Variants in AUTS2 observed in about 807,000 individuals in gnomAD.
AUTS2 encodes autism susceptibility gene 2 protein.
AUTS2 carries 17 observed loss-of-function variants against 112.4 expected under a neutral mutation model. That is an observed-to-expected ratio of 0.15 (90% CI 0.10 to 0.23). The LOEUF (loss-of-function observed/expected upper bound fraction) is 0.23. AUTS2 is among the 10% of genes least tolerant of loss of function. The pLI is 1.00. For missense variants in AUTS2, 1,510 were observed against 1,701.6 expected (o/e 0.89, Z 1.98); for synonymous variants, 751 against 702.7 (o/e 1.07, Z -1.09).
intron 5 of AUTS2, among the ~76,000 whole-genome samples, chr7:70,508,291 G>T (rs1799050625): frequency 6.6e-6 from 1 of 151,802 alleles, no homozygotes; most frequent in African/African-American, 2.4e-5. Flanking sequence ...GGGAGAGAAG[G>T]AAAGAAAGGG....
intron 5 of AUTS2, among the ~76,000 whole-genome samples, chr7:70,691,801 A>T (rs551771698): frequency 1.5e-4 from 23 of 152,158 alleles, no homozygotes; most frequent in African/African-American, 5.5e-4. Flanking sequence ...AGAGATCATC[A>T]AAAGATCTGG....
chr7:70,703,777 G>A (rs1241404373), intron 6 of AUTS2, among the ~76,000 whole-genome samples: 1 of 152,088 alleles, frequency 6.6e-6, no homozygotes, highest in Non-Finnish European at 1.5e-5. Context: ...TCCACATAAG[G>A]GAGAGTTAGA....
At position 70,131,410 on chromosome 7, in the gene AUTS2, A is replaced by G. The variant is rs75606183; in HGVS notation, c.625-3126A>G. ...GCAGTGAGTCATGATCTTGATCATT[A>G]AGGAAGAGTCTTGTGAAATTGTTCA... On this transcript the variant is annotated intron_variant, in intron 3 of 18. Coordinates refer to ENST00000342771, the MANE Select transcript of AUTS2 (RefSeq NM_015570.4). Among the ~76,000 whole-genome samples, 919 of 152,262 alleles carry G rather than the reference A, an allele frequency of 6.0e-3. 12 individuals are homozygous for G. The highest frequency in any genetic ancestry group is 0.022 in the African/African-American group (898 of 41,544).
chr7:70,244,462 T>C (rs2129601574), intron 4 of AUTS2, among the ~76,000 whole-genome samples: 1 of 152,332 alleles, frequency 6.6e-6, no homozygotes, highest in African/African-American at 2.4e-5. Context: ...AATGTTTCTT[T>C]GTAATAAGCA....
intron 2 of AUTS2, among the ~76,000 whole-genome samples, chr7:70,106,631 G>A (rs988312470): frequency 1.7e-4 from 26 of 152,190 alleles, no homozygotes; most frequent in African/African-American, 6.0e-4. Flanking sequence ...GAGGTGGGAG[G>A]ATCACTTTAG....
chr7:70,714,386 C>T (rs563946913), intron 6 of AUTS2, among the ~76,000 whole-genome samples: 51 of 152,178 alleles, frequency 3.4e-4, no homozygotes, highest in African/African-American at 7.9e-4. Flanking sequence ...TATCATTTTA[C>T]GACTACATAC....
chr7:69,848,429 C>T (rs1056042812), intron 1 of AUTS2, among the ~76,000 whole-genome samples: 6 of 152,194 alleles, frequency 3.9e-5, no homozygotes, highest in Non-Finnish European at 8.8e-5. Context: ...ATCTGTTTTA[C>T]AAGGGAATTA....
chr7:69,827,325 A>G (rs887726434), intron 1 of AUTS2, among the ~76,000 whole-genome samples: 1 of 152,178 alleles, frequency 6.6e-6, no homozygotes, highest in African/African-American at 2.4e-5. Context: ...TCTCAAACTC[A>G]GGAAAGTGGT....
chr7:70,016,694 GTCTTACTCTGTT>G (rs1800044339), intron 2 of AUTS2, among the ~76,000 whole-genome samples: 1 of 149,224 alleles, frequency 6.7e-6, no homozygotes, highest in South Asian at 2.1e-4. Flanking sequence ...TTGAAACGGA[GTCTTACTCTGTT>G]TCCTGGGCTG....
intron 5 of AUTS2, among the ~76,000 whole-genome samples, chr7:70,605,821 G>T (rs1467406473): frequency 2.0e-5 from 3 of 152,178 alleles, no homozygotes; most frequent in Admixed American, 6.5e-5. Flanking sequence ...ACAAAGAGAA[G>T]ATTGGGGATT....
intron 5 of AUTS2, among the ~76,000 whole-genome samples, chr7:70,570,710 C>T (rs1336752653): frequency 6.6e-6 from 1 of 152,186 alleles, no homozygotes; most frequent in South Asian, 2.1e-4. Flanking sequence ...GTTATACTCT[C>T]TATGGTCTCT....
chr7:70,355,231 G>A (rs909788402), intron 4 of AUTS2, among the ~76,000 whole-genome samples: 23 of 151,874 alleles, frequency 1.5e-4, no homozygotes, highest in African/African-American at 4.6e-4. Context: ...CCCCTTTCTG[G>A]TTGTTTCACT....
At chr7:69,886,234 A>C (rs1584393314) in intron 1 of AUTS2, among the ~76,000 whole-genome samples, 1 of 152,240 alleles carries the variant, frequency 6.6e-6, no homozygotes, top group East Asian at 1.9e-4. Context: ...GCATATATGC[A>C]CTTGTTCATG....
intron 4 of AUTS2, among the ~76,000 whole-genome samples, chr7:70,227,689 T>G (rs1811839076): frequency 6.6e-6 from 1 of 152,276 alleles, no homozygotes; most frequent in South Asian, 2.1e-4. Context: ...TGATTCATTC[T>G]CTTAACTCAT....
intron 5 of AUTS2, among the ~76,000 whole-genome samples, chr7:70,455,072 G>GTGT (rs999403564): frequency 1.3e-5 from 2 of 152,180 alleles, no homozygotes; most frequent in Non-Finnish European, 2.9e-5. Flanking sequence ...ACATACCCAT[G>GTGT]TGTTGTTGTT....
intron 1 of AUTS2, among the ~76,000 whole-genome samples, chr7:69,779,794 T>A (rs541392759): frequency 7.2e-4 from 108 of 150,104 alleles, no homozygotes; most frequent in Admixed American, 1.3e-3. Context: ...AAAAAAAATA[T>A]ATATATGGAA....
At chr7:70,123,248 A>T (rs1355360799) in intron 3 of AUTS2, among the ~76,000 whole-genome samples, 1 of 152,166 alleles carries the variant, frequency 6.6e-6, no homozygotes, top group Non-Finnish European at 1.5e-5. Flanking sequence ...TACCTGCACA[A>T]TATTTTAGAG....
intron 4 of AUTS2, among the ~76,000 whole-genome samples, chr7:70,197,561 G>C (rs536312913): frequency 1.0e-4 from 12 of 115,034 alleles, no homozygotes; most frequent in Middle Eastern, 7.0e-3. Context: ...TTCCCTTTCC[G>C]AGTCAAAGAA....
intron 5 of AUTS2, among the ~76,000 whole-genome samples, chr7:70,692,455 T>C (rs549362046): frequency 1.3e-5 from 2 of 152,356 alleles, no homozygotes; most frequent in Non-Finnish European, 2.9e-5. Flanking sequence ...ATCCTGGTAT[T>C]GTCTAAACAG....
Sources: gnomAD v4.1 joint callset for allele counts (sites outside exome capture counted in the v4.1 genomes callset) on GRCh38, gnomAD v4.1.1 for gene constraint, MANE v1.5 for transcripts, NCBI Gene and HGNC (gene_info 2026-07-23, HGNC 2026-07-21) for gene names.